Variants in KATNAL1 observed in about 807,000 individuals in gnomAD.
KATNAL1 encodes the protein katanin catalytic subunit A1 like 1.
In KATNAL1, 32 loss-of-function variants were observed where a neutral mutation model predicts 55.2. The observed-to-expected ratio is 0.58, with a 90% CI of 0.44 to 0.78. The LOEUF (loss-of-function observed/expected upper bound fraction) is 0.78, where lower values mean the gene tolerates loss of function less well. Among genes scored for constraint, KATNAL1 ranks in the 30% least tolerant of loss-of-function variants. The pLI is 0.00. For missense variants in KATNAL1, 466 were observed against 600.9 expected (o/e 0.78, Z 2.35); for synonymous variants, 193 against 193.6 (o/e 1.00, Z 0.02).
At chr13:30,266,807 A>T (rs74043069) in intron 3 of KATNAL1, among the ~76,000 whole-genome samples, 3,042 of 152,328 alleles carry the variant, frequency 0.02, 104 homozygotes, top group African/African-American at 0.07. Context: ...TAACCAAGGT[A>T]ATAGTAAACC....
intron 4 of KATNAL1, among the ~76,000 whole-genome samples, chr13:30,242,891 A>G (rs1393114927): frequency 6.6e-6 from 1 of 152,200 alleles, no homozygotes; most frequent in African/African-American, 2.4e-5. Context: ...TGGTTATGCC[A>G]GGAAATCAGT....
intron 6 of KATNAL1, among the ~76,000 whole-genome samples, chr13:30,240,203 A>C (rs1877125009): frequency 6.6e-6 from 1 of 152,172 alleles, no homozygotes. Flanking sequence ...AAAATTCTTA[A>C]AACTAATCTC....
intron 4 of KATNAL1, among the ~76,000 whole-genome samples, chr13:30,251,956 T>C (rs1230410184): frequency 6.6e-6 from 1 of 152,112 alleles, no homozygotes; most frequent in Non-Finnish European, 1.5e-5. Flanking sequence ...TAAGCTTGGA[T>C]CTAACCTGAA....
intron 3 of KATNAL1, among the ~76,000 whole-genome samples, chr13:30,274,507 G>A (rs534374684): frequency 6.6e-6 from 1 of 152,196 alleles, no homozygotes; most frequent in African/African-American, 2.4e-5. Context: ...TCTTGAGAAG[G>A]CCTATTAGAG....
At chr13:30,241,567 C>T (rs538030279) in intron 4 of KATNAL1, among the ~76,000 whole-genome samples, 1 of 152,320 alleles carries the variant, frequency 6.6e-6, no homozygotes, top group Admixed American at 6.5e-5. Context: ...AAGATTCACA[C>T]AGCTTTGACG....
At chr13:30,224,179 C>T (rs1032717748) in intron 9 of KATNAL1, among the ~76,000 whole-genome samples, 8 of 151,738 alleles carry the variant, frequency 5.3e-5, no homozygotes, top group South Asian at 2.1e-4. Context: ...TATGATATAG[C>T]AAAATTTGTG....
At chr13:30,275,967 A>G (rs954010135) in intron 3 of KATNAL1, among the ~76,000 whole-genome samples, 16 of 152,192 alleles carry the variant, frequency 1.1e-4, no homozygotes, top group Admixed American at 1.0e-3. Flanking sequence ...AGAAAATACT[A>G]CTTTCATGGC....
At chr13:30,289,432 C>A (rs1881996505) in intron 1 of KATNAL1, among the ~76,000 whole-genome samples, 1 of 152,174 alleles carries the variant, frequency 6.6e-6, no homozygotes, top group African/African-American at 2.4e-5. Flanking sequence ...AACAAATGAG[C>A]CACTTGGAAG....
rs1873330192 is a variant in KATNAL1, at chr13:30,208,215, A to T, written c.*325T>A. Reference sequence around the variant, plus strand: ...TTGGAAAAAAAAACTGCAAATGAGAAATAGGGGTATTTCTAAATCTTCTGT... The same window carrying T: ...TTGGAAAAAAAAACTGCAAATGAGATATAGGGGTATTTCTAAATCTTCTGT... On this transcript the variant is annotated 3_prime_UTR_variant, in exon 11 of 11. Transcript: ENST00000380615. 1 of 190,400 alleles carries T rather than the reference A, an allele frequency of 5.3e-6. No homozygotes were observed. Among genetic ancestry groups the T allele is most frequent in the Non-Finnish European group, 1.1e-5 (1 of 93,758 alleles). 11.8% of individuals were successfully genotyped at this position (190,400 alleles called of 1,614,324 possible).
intron 7 of KATNAL1, among the ~76,000 whole-genome samples, chr13:30,230,951 A>G (rs1259468954): frequency 6.6e-6 from 1 of 152,220 alleles, no homozygotes; most frequent in Non-Finnish European, 1.5e-5. Context: ...AAAAAGGAAT[A>G]AACTTTAATG....
chr13:30,243,498 G>A (rs1453441845), intron 4 of KATNAL1, among the ~76,000 whole-genome samples: 1 of 151,232 alleles, frequency 6.6e-6, no homozygotes, highest in Non-Finnish European at 1.5e-5. Flanking sequence ...ATGATAAAGG[G>A]TTCAAAACCC....
rs140559588 is a variant in KATNAL1, at chr13:30,212,456, C to T, written c.1148-2014G>A. ...CCTCACCACTCTGTGCCTGGCTTGC[C>T]CTTGGCCGGCGTGGGATCAGGGCCA... On this transcript the variant is annotated intron_variant, in intron 9 of 10. Transcript: ENST00000380615. Among the ~76,000 whole-genome samples, 220 of 152,352 alleles carry T rather than the reference C, an allele frequency of 1.4e-3. 1 individual carries two copies. Among genetic ancestry groups the T allele is most frequent in the African/African-American group, 5.0e-3 (207 of 41,582 alleles).
At chr13:30,246,775 C>CA (rs1379950654) in intron 4 of KATNAL1, among the ~76,000 whole-genome samples, 1 of 151,802 alleles carries the variant, frequency 6.6e-6, no homozygotes, top group Non-Finnish European at 1.5e-5. Flanking sequence ...TTTATGTGGC[C>CA]AACAAACATG....
rs1325487699 is a variant in KATNAL1, at chr13:30,206,461, C to A, written c.*2079G>T. ...ACTCACTTAACATAGTAAAGTTAGG[C>A]TCCCAGGAAGTTTAAGTTGCCAAAT... On this transcript the variant is annotated 3_prime_UTR_variant, in exon 11 of 11. Transcript: ENST00000380615. 8 of 151,892 alleles carry A rather than the reference C, an allele frequency of 5.3e-5. No homozygotes were observed. The highest frequency in any genetic ancestry group is 1.9e-4 in the African/African-American group (8 of 41,334). The allele number at this position is 151,892 out of a possible 1,614,324, so 9.4% of individuals were successfully genotyped here.
chr13:30,253,313 GTTCTT>G (rs1878504041), intron 4 of KATNAL1, among the ~76,000 whole-genome samples: 1 of 152,234 alleles, frequency 6.6e-6, no homozygotes, highest in African/African-American at 2.4e-5. Flanking sequence ...CAACTGCGGA[GTTCTT>G]TTCTTTTCTT....
At chr13:30,227,372 A>G (rs779607779) in intron 9 of KATNAL1, 40 bp downstream of exon 9, 1 of 1,582,566 alleles carries the variant, frequency 6.3e-7, no homozygotes, top group Non-Finnish European at 8.6e-7. Context: ...GAAAGGTAAC[A>G]AAAAGTAACA....
At chr13:30,301,587 G>T (rs1232480865) in intron 1 of KATNAL1, among the ~76,000 whole-genome samples, 1 of 152,122 alleles carries the variant, frequency 6.6e-6, no homozygotes, top group Non-Finnish European at 1.5e-5. Context: ...AGGCTTTAAA[G>T]AATTTAAATA....
chr13:30,300,570 C>G (rs1002762058), intron 1 of KATNAL1, among the ~76,000 whole-genome samples: 30 of 151,794 alleles, frequency 2.0e-4, no homozygotes, highest in Middle Eastern at 3.4e-3. Flanking sequence ...TTATGTCATA[C>G]AATGGCTGCT....
rs1099847 is a variant in KATNAL1, at chr13:30,260,566, A to C, written c.324-4951T>G. 1.3e-3 allele frequency among the ~76,000 whole-genome samples: 201 copies of C among 152,178 alleles called. 1 individual carries two copies. The highest frequency in any genetic ancestry group is 4.7e-3 in the African/African-American group (193 of 41,498). ...GAAAACCAAGGCTCGAGAACTACGC[A>C]AAGAATGCAGAAGCCTCAGGAGCCG... On this transcript the variant is annotated intron_variant, in intron 3 of 10. Coordinates refer to ENST00000380615, the MANE Select transcript of KATNAL1 (RefSeq NM_032116.5).
Sources: allele counts gnomAD v4.1 joint callset (sites outside exome capture counted in the v4.1 genomes callset), GRCh38; gene constraint gnomAD v4.1.1; transcripts MANE v1.5; gene names NCBI Gene and HGNC (gene_info 2026-07-23, HGNC 2026-07-21).